PIGY: variants seen among roughly 807,000 people sequenced by gnomAD.
PIGY encodes phosphatidylinositol glycan anchor biosynthesis class Y, also known as phosphatidylinositol N-acetylglucosaminyltransferase subunit Y.
In PIGY, 3 loss-of-function variants were observed where a neutral mutation model predicts 4.1. The ratio of observed to expected loss-of-function variants is 0.73; its 90% confidence interval spans 0.33 to 1.89. The LOEUF is 1.89. Among genes scored for constraint, PIGY ranks in the 40% most tolerant of loss-of-function variants. PIGY has a pLI of 0.08. For synonymous variants in PIGY, 33 were observed against 31.4 expected (o/e 1.05, Z -0.18); for missense variants, 78 against 80.3 (o/e 0.97, Z 0.11).
intron 1 of PIGY, among the ~76,000 whole-genome samples, chr4:88,523,190 G>A (rs1383694998): frequency 3.3e-5 from 5 of 152,168 alleles, no homozygotes. Context: ...GGGGGCTGTC[G>A]GGGAATCGGC....
chr4:88,522,148 GTCT>G (rs1742393828), intron 1 of PIGY, 119 bp from the exon 2 acceptor site: 1 of 864,872 alleles, frequency 1.2e-6, no homozygotes, highest in Non-Finnish European at 1.7e-6. Flanking sequence ...TCCCAGAATA[GTCT>G]TCTTTAATTC....
chr4:88,522,108 C>T (rs1465284283), intron 1 of PIGY, 79 bp from the exon 2 acceptor site: 2 of 1,317,714 alleles, frequency 1.5e-6, no homozygotes, highest in Non-Finnish European at 2.0e-6. Flanking sequence ...ACAAATACCA[C>T]CATTTATCCA....
At position 88,521,505 on chromosome 4, in the gene PIGY, A is replaced by C. The variant is rs1742367584; in HGVS notation, c.*69T>G. 1.4e-6 allele frequency: 2 copies of C among 1,388,388 alleles called. No individual in the cohort carries two copies. The highest frequency in any genetic ancestry group is 2.0e-5 in the Admixed American group (1 of 51,270). The allele number at this position is 1,388,388 out of a possible 1,614,324, so 86.0% of individuals were successfully genotyped here. A position where few individuals can be genotyped will look rare whatever the true frequency, so the allele number is the denominator to read the frequency against. On this transcript the variant is annotated 3_prime_UTR_variant, in exon 2 of 2. Coordinates refer to ENST00000527353, the MANE Select transcript of PIGY (RefSeq NM_001042616.3). Reference sequence around the variant, plus strand: ...CTTTCCCGCAAACTAAATTCCATCCATTTGAGCTTTCAGAGATCGATGCCC... The same window carrying C: ...CTTTCCCGCAAACTAAATTCCATCCCTTTGAGCTTTCAGAGATCGATGCCC...
In PIGY at chr4:88,523,657, C is replaced by T. The variant is rs1008028290; in HGVS notation, c.-400G>A. ...GACCGCGGACGGCGGCGCGCGCGTT[C>T]CCCGCAGCGCTGAGGCGAGCCTGCA... On this transcript the variant is annotated 5_prime_UTR_variant, in exon 1 of 2. Transcript: ENST00000527353. The T allele has an allele frequency of 3.3e-6, 5 of 1,535,336 alleles. No individual in the cohort carries two copies. Among genetic ancestry groups the T allele is most frequent in the South Asian group, 1.2e-5 (1 of 82,930 alleles).
chr4:88,523,377 G>A (rs67364668), intron 1 of PIGY, 121 bp downstream of exon 1: 163,875 of 1,020,922 alleles, frequency 0.16, 17,041 homozygotes, highest in African/African-American at 0.43. Flanking sequence ...AGTCCAGAAT[G>A]TGGCAGCGGA....
chr4:88,523,554 G>A lies in PIGY; in HGVS notation c.-297C>T. The A allele has an allele frequency of 6.4e-7, 1 of 1,551,012 alleles. No individual in the cohort carries two copies. Among genetic ancestry groups the A allele is most frequent in the Non-Finnish European group, 8.7e-7 (1 of 1,146,878 alleles). On this transcript the variant is annotated 5_prime_UTR_variant, in exon 1 of 2. Coordinates refer to ENST00000527353, the MANE Select transcript of PIGY (RefSeq NM_001042616.3). ...GGAACTCCAGCAGCGCCGGATCGAAGTCGCGGGGCGGCTCCTCAGTCTTCT... is the reference window on the plus strand; with the variant it reads ...GGAACTCCAGCAGCGCCGGATCGAAATCGCGGGGCGGCTCCTCAGTCTTCT...
Position 88,523,752 on chromosome 4 carries a change from A to G in PIGY, c.-495T>C, listed in dbSNP as rs1742476669. On this transcript the variant is annotated 5_prime_UTR_variant, in exon 1 of 2. Coordinates refer to ENST00000527353, the MANE Select transcript of PIGY (RefSeq NM_001042616.3). ...ACCGCAGCCTCGCCACCCGTGGCCG[A>G]GCTCCCGGCTTCCCGTTCGTCCAGG... 1 of 1,388,092 alleles carries G rather than the reference A, an allele frequency of 7.2e-7. No homozygotes were observed. Among genetic ancestry groups the G allele is most frequent in the Non-Finnish European group, 9.3e-7 (1 of 1,075,054 alleles). The allele number at this position is 1,388,092 out of a possible 1,614,324, so 86.0% of individuals were successfully genotyped here. A position where few individuals can be genotyped will look rare whatever the true frequency, so the allele number is the denominator to read the frequency against.
Position 88,521,762 on chromosome 4 carries a change from C to T in PIGY, c.28G>A (p.Val10Ile), listed in dbSNP as rs749142851. The T allele has an allele frequency of 2.5e-6, 4 of 1,613,332 alleles. No homozygotes were observed. The South Asian group carries it at 3.3e-5, about 13-fold the overall frequency. MFLSLPTLT[V>I]LIPLVSLAGL... ...GCTAAAGAAACCAGTGGAATAAGAA[C>T]AGTCAACGTAGGAAGAGACAGAAAC... Residue 10 changes from valine (V) to isoleucine (I), a missense_variant, in exon 2 of 2, where the codon GTT becomes ATT. Transcript: ENST00000527353.
chr4:88,523,717 A>C lies in PIGY; in HGVS notation c.-460T>G. 3 of 1,428,402 alleles carry C rather than the reference A, an allele frequency of 2.1e-6. No individual in the cohort carries two copies. The highest frequency in any genetic ancestry group is 2.7e-6 in the Non-Finnish European group (3 of 1,098,952). The allele number at this position is 1,428,402 out of a possible 1,614,324, so 88.5% of individuals were successfully genotyped here. On this transcript the variant is annotated 5_prime_UTR_variant, in exon 1 of 2. Transcript: ENST00000527353. The stretch of plus-strand genomic sequence containing the variant: ...ACTCAGCATGGTCTGGCAGCCGGAG[A>C]CCAGGCCTCACCGCAGCCTCGCCAC...
Position 88,523,530 on chromosome 4 carries a change from GA to G in PIGY, c.-274del, listed in dbSNP as rs1415845930. On this transcript the variant is annotated 5_prime_UTR_variant, in exon 1 of 2. An upstream open reading frame in the 5' UTR gains an earlier in-frame stop. Transcript: ENST00000527353. ...GCTTCTTGGAGAGCGGGCACACCAG[GA>G]ACTCCAGCAGCGCCGGATCGAAGTC... 2.3e-5 allele frequency: 35 copies of G among 1,551,116 alleles called. No individual in the cohort carries two copies. The highest frequency in any genetic ancestry group is 2.8e-5 in the Non-Finnish European group (32 of 1,146,878).
rs529877266 is a variant in PIGY, at chr4:88,521,915, C to T, written c.-126G>A. 3 of 1,550,830 alleles carry T rather than the reference C, an allele frequency of 1.9e-6. No individual in the cohort carries two copies. The African/African-American group carries it at 4.1e-5, about 21-fold the overall frequency. Reference sequence around the variant, plus strand: ...AGCGCTGCTCCACTTCTTCTTGCTTCTTACTTTGACGTGTCATCCTAGCTG... The same window carrying T: ...AGCGCTGCTCCACTTCTTCTTGCTTTTTACTTTGACGTGTCATCCTAGCTG... On this transcript the variant is annotated 5_prime_UTR_variant, in exon 2 of 2. Transcript: ENST00000527353.
Position 88,521,738 on chromosome 4 carries a change from C to CT in PIGY, c.51dup (p.Ala18SerfsTer19), listed in dbSNP as rs773888465. 2 of 1,613,728 alleles carry CT rather than the reference C, an allele frequency of 1.2e-6. No homozygotes were observed. The highest frequency in any genetic ancestry group is 1.7e-6 in the Non-Finnish European group (2 of 1,179,830). On this transcript the variant is annotated frameshift_variant, in exon 2 of 2. Coordinates refer to ENST00000527353, the MANE Select transcript of PIGY (RefSeq NM_001042616.3). LOFTEE classifies it high-confidence loss of function. Reference sequence around the variant, plus strand: ...ACAGAGGCTGAGTAGAACAGTCCTGCTAAAGAAACCAGTGGAATAAGAACA... The same window carrying CT: ...ACAGAGGCTGAGTAGAACAGTCCTGCTTAAAGAAACCAGTGGAATAAGAACA...
At chr4:88,522,175 A>AT (rs1742394939) in intron 1 of PIGY, 146 bp from the exon 2 acceptor site, 13 of 666,102 alleles carry the variant, frequency 2.0e-5, no homozygotes, top group African/African-American at 1.6e-4. Flanking sequence ...AAGCAACAAT[A>AT]GCCAATTCAA....
In PIGY at chr4:88,521,663, A is replaced by G; in HGVS notation, c.127T>C (p.Tyr43His). Residue 43 changes from tyrosine (Y) to histidine (H), a missense_variant, in exon 2 of 2, where the codon TAC (tyrosine) becomes CAC (histidine). Physicochemically the swap from Tyr to His is moderately conservative, Grantham distance 83. Coordinates refer to ENST00000527353, the MANE Select transcript of PIGY (RefSeq NM_001042616.3). ...ATGGTAATAGGCAAGAGCAGGCTGT[A>G]AAAGCAAAGGCTGGCTGTGCTAGTG... ...GCTSTASLCF[Y>H]SLLLPITIPV... 6.2e-7 allele frequency: 1 copy of G among 1,614,014 alleles called. No homozygotes were observed. Among genetic ancestry groups the G allele is most frequent in the Non-Finnish European group, 8.5e-7 (1 of 1,179,870 alleles).
Position 88,523,579 on chromosome 4 carries a change from T to G in PIGY, c.-322A>C. On this transcript the variant is annotated 5_prime_UTR_variant, in exon 1 of 2. Transcript: ENST00000527353. ...GTCGCGGGGCGGCTCCTCAGTCTTC[T>G]TGCCCCGGTCGGCCAAAGGCCGCGA... 6.5e-7 allele frequency: 1 copy of G among 1,550,354 alleles called. No individual in the cohort carries two copies. Among genetic ancestry groups the G allele is most frequent in the Non-Finnish European group, 8.7e-7 (1 of 1,146,820 alleles).
Position 88,521,440 on chromosome 4 carries a change from C to A in PIGY, c.*134G>T. On this transcript the variant is annotated 3_prime_UTR_variant, in exon 2 of 2. Transcript: ENST00000527353. ...TAAAAGAAGCATCTGCAACTTAAGC[C>A]TCCCACAGTCCTAAGCCTGATATGC... The A allele has an allele frequency of 1.3e-6, 1 of 760,972 alleles. No homozygotes were observed. Among genetic ancestry groups the A allele is most frequent in the South Asian group, 2.0e-5 (1 of 50,506 alleles). 47.1% of individuals were successfully genotyped at this position (760,972 alleles called of 1,614,324 possible).
At chr4:88,523,386 G>C (rs574891720) in intron 1 of PIGY, 112 bp downstream of exon 1, 1 of 1,103,978 alleles carries the variant, frequency 9.1e-7, no homozygotes, top group South Asian at 1.3e-5. Context: ...TGTGGCAGCG[G>C]AGAGTACCTG....
chr4:88,523,422 G>A (rs965337661), intron 1 of PIGY, 76 bp downstream of exon 1: 1 of 1,471,658 alleles, frequency 6.8e-7, no homozygotes, highest in Non-Finnish European at 9.3e-7. Context: ...CCCAGTGGCT[G>A]CAAGAGGCCG....
chr4:88,522,617 A>C (rs919734727), intron 1 of PIGY, among the ~76,000 whole-genome samples: 2 of 152,194 alleles, frequency 1.3e-5, no homozygotes, highest in African/African-American at 4.8e-5. Flanking sequence ...AAATACGAAA[A>C]ATTGCTAGCA....
Sources: gnomAD v4.1 joint callset for allele counts (sites outside exome capture counted in the v4.1 genomes callset) on GRCh38, gnomAD v4.1.1 for gene constraint, MANE v1.5 for transcripts, NCBI Gene and HGNC (gene_info 2026-07-23, HGNC 2026-07-21) for gene names.